FNBP1: variants seen among roughly 807,000 people sequenced by gnomAD.
The protein encoded by FNBP1 is formin binding protein 1.
Under a neutral mutation model 90.6 loss-of-function variants are expected in FNBP1, and 26 were observed. That is an observed-to-expected ratio of 0.29 (90% CI 0.21 to 0.40). The LOEUF (loss-of-function observed/expected upper bound fraction) is 0.40. FNBP1 is among the 10% of genes least tolerant of loss of function. FNBP1 has a pLI of 1.00. For synonymous variants in FNBP1, 260 were observed against 265.2 expected (o/e 0.98, Z 0.19); for missense variants, 635 against 768.0 (o/e 0.83, Z 2.05).
intron 4 of FNBP1, among the ~76,000 whole-genome samples, chr9:129,973,602 G>A (rs1446182551): frequency 2.6e-5 from 4 of 151,460 alleles, no homozygotes; most frequent in Admixed American, 1.3e-4. Flanking sequence ...CTGGGTTCAC[G>A]CCATTCTCCT....
intron 6 of FNBP1, among the ~76,000 whole-genome samples, chr9:129,930,853 C>T (rs2042626948): frequency 6.6e-6 from 1 of 152,160 alleles, no homozygotes; most frequent in Admixed American, 6.5e-5. Flanking sequence ...TACCTCCTGC[C>T]AGATGAAGAT....
intron 2 of FNBP1, among the ~76,000 whole-genome samples, chr9:129,994,405 G>C (rs549728801): frequency 1.7e-4 from 26 of 152,144 alleles, no homozygotes; most frequent in Non-Finnish European, 2.6e-4. Context: ...GTTACCGCTG[G>C]GGGGAGAGTG....
chr9:129,937,178 G>GGA (rs1554796875), intron 6 of FNBP1, among the ~76,000 whole-genome samples: 34 of 151,456 alleles, frequency 2.2e-4, no homozygotes, highest in Non-Finnish European at 3.4e-4. Context: ...TCAAGGGGGG[G>GGA]AAAAAAATAA....
intron 12 of FNBP1, among the ~76,000 whole-genome samples, chr9:129,906,720 A>G (rs1190489391): frequency 2.0e-5 from 3 of 152,156 alleles, no homozygotes; most frequent in African/African-American, 7.2e-5. Context: ...TGCAGTTGTT[A>G]GATGTTTATG....
At chr9:129,962,714 T>C (rs561756408) in intron 4 of FNBP1, among the ~76,000 whole-genome samples, 4 of 152,316 alleles carry the variant, frequency 2.6e-5, no homozygotes, top group East Asian at 1.9e-4. Context: ...GGGGAGCCCC[T>C]TGGGGCTTCG....
Position 129,887,425 on chromosome 9 carries a change from C to T in FNBP1, c.*3114G>A, listed in dbSNP as rs910026373. On this transcript the variant is annotated 3_prime_UTR_variant, in exon 17 of 17. Coordinates refer to ENST00000446176, the MANE Select transcript of FNBP1 (RefSeq NM_015033.3). ...CATCAGGTTAAAATAGAATTCTGGA[C>T]CTTTTTAAAAAGTTTTTGGATGATA... 3.0e-5 allele frequency: 6 copies of T among 199,914 alleles called. No homozygotes were observed. The highest frequency in any genetic ancestry group is 2.4e-4 in the Admixed American group (4 of 16,562). 12.4% of individuals were successfully genotyped at this position (199,914 alleles called of 1,614,324 possible). A position where few individuals can be genotyped will look rare whatever the true frequency, so the allele number is the denominator to read the frequency against.
chr9:129,909,277 T>C (rs1335393492), intron 11 of FNBP1, among the ~76,000 whole-genome samples: 2 of 152,242 alleles, frequency 1.3e-5, no homozygotes, highest in Non-Finnish European at 2.9e-5. Context: ...GAGATACTTC[T>C]GACTCTAGGG....
chr9:129,958,417 GGGA>G lies in FNBP1; in HGVS notation c.408+71_408+73del. 3 of 1,175,800 alleles carry G rather than the reference GGGA, an allele frequency of 2.6e-6. No individual in the cohort carries two copies. In the Admixed American group the frequency reaches 6.8e-5, roughly 26 times the overall value. 72.8% of individuals were successfully genotyped at this position (1,175,800 alleles called of 1,614,324 possible). On this transcript the variant is annotated intron_variant, in intron 5 of 16. Transcript: ENST00000446176. The stretch of plus-strand genomic sequence containing the variant: ...ATTGCACTCCAACCTGGGCAACAGA[GGGA>G]GCCTCCGTCTCAAAAAAAAAGAAAA...
At chr9:129,950,513 A>G (rs938887299) in intron 6 of FNBP1, among the ~76,000 whole-genome samples, 4 of 152,214 alleles carry the variant, frequency 2.6e-5, no homozygotes, top group Admixed American at 6.5e-5. Flanking sequence ...TAAAAGTTAA[A>G]ACTGCCTTGG....
chr9:129,997,000 GT>G (rs1244243470), intron 1 of FNBP1, among the ~76,000 whole-genome samples: 3 of 150,666 alleles, frequency 2.0e-5, no homozygotes, highest in Non-Finnish European at 4.4e-5. Flanking sequence ...CGGCCGGCCT[GT>G]TTTTTTTTAA....
At chr9:129,974,429 G>A (rs2049988602) in intron 4 of FNBP1, among the ~76,000 whole-genome samples, 1 of 152,222 alleles carries the variant, frequency 6.6e-6, no homozygotes, top group Non-Finnish European at 1.5e-5. Flanking sequence ...CTCCCGAAGT[G>A]CTGGGACTAC....
At chr9:130,000,263 G>A (rs936655189) in intron 1 of FNBP1, among the ~76,000 whole-genome samples, 1 of 152,202 alleles carries the variant, frequency 6.6e-6, no homozygotes, top group Non-Finnish European at 1.5e-5. Flanking sequence ...GGCAGAAGCA[G>A]GCGGGTCGTC....
intron 2 of FNBP1, among the ~76,000 whole-genome samples, chr9:129,981,901 G>A (rs2051320500): frequency 1.3e-5 from 2 of 152,172 alleles, no homozygotes; most frequent in African/African-American, 4.8e-5. Flanking sequence ...TAGACCGACT[G>A]ATGAAAGAAT....
At chr9:129,916,223 G>A (rs76796731) in intron 10 of FNBP1, 47,831 of 547,990 alleles carry the variant, frequency 0.087, 2,256 homozygotes, top group East Asian at 0.13. Context: ...CCAAAGATCA[G>A]ATAGAAAAGG....
the FNBP1 span, among the ~76,000 whole-genome samples, chr9:130,052,083 C>T: frequency 6.6e-6 from 1 of 152,184 alleles, no homozygotes; most frequent in African/African-American, 2.4e-5. Context: ...GTCAAGGCAG[C>T]AGTTTTCTAG....
rs940760589 is a variant in FNBP1 at position 130,042,555 on chromosome 9, C to A, written c.24+397G>T. Among the ~76,000 whole-genome samples the A allele has an allele frequency of 2.0e-5, 3 of 151,790 alleles. No individual in the cohort carries two copies. Among genetic ancestry groups the A allele is most frequent in the African/African-American group, 7.2e-5 (3 of 41,384 alleles). On this transcript the variant is annotated intron_variant, in intron 1 of 16. Transcript: ENST00000446176. The surrounding 1 kb of genome is among the most constrained non-coding windows in gnomAD (Gnocchi z 5.5). ...ACTCGCGGCCGGGGCGCCCCGAGACCCAACGCAGCGCCGCGCAGCCGGGGC... is the reference window on the plus strand; with the variant it reads ...ACTCGCGGCCGGGGCGCCCCGAGACACAACGCAGCGCCGCGCAGCCGGGGC...
intron 6 of FNBP1, among the ~76,000 whole-genome samples, chr9:129,934,485 A>C (rs2043159513): frequency 6.6e-6 from 1 of 152,164 alleles, no homozygotes; most frequent in South Asian, 2.1e-4. Flanking sequence ...TTTAAACTTG[A>C]GAATTTTTTG....
chr9:129,993,636 T>G (rs1301480088), intron 2 of FNBP1, among the ~76,000 whole-genome samples: 1 of 148,544 alleles, frequency 6.7e-6, no homozygotes, highest in South Asian at 2.2e-4. Context: ...TTTTTTTTTT[T>G]TTTTTTGAGA....
At chr9:129,911,675 G>A (rs1022361258) in intron 11 of FNBP1, among the ~76,000 whole-genome samples, 1 of 152,152 alleles carries the variant, frequency 6.6e-6, no homozygotes, top group African/African-American at 2.4e-5. Context: ...GCTCACGCCT[G>A]TAATCCCAGC....
Sources: allele counts gnomAD v4.1 joint callset (sites outside exome capture counted in the v4.1 genomes callset), GRCh38; gene constraint gnomAD v4.1.1; non-coding constraint Gnocchi (gnomAD v3.1); transcripts MANE v1.5; gene names NCBI Gene and HGNC (gene_info 2026-07-23, HGNC 2026-07-21).